PPDPFL: variants seen among roughly 807,000 people sequenced by gnomAD.
PPDPFL encodes pancreatic progenitor cell differentiation and proliferation factor-like protein.
A neutral mutation model predicts 12.6 loss-of-function variants in PPDPFL; 12 were observed. The ratio of observed to expected loss-of-function variants is 0.95; its 90% CI spans 0.61 to 1.54. The LOEUF (loss-of-function observed/expected upper bound fraction) is 1.54. Among genes scored for constraint, PPDPFL ranks in the 40% most tolerant of loss-of-function variants. The pLI is 0.00. For missense variants in PPDPFL, 114 were observed against 96.0 expected (o/e 1.19, Z -0.78); for synonymous variants, 24 against 32.7 (o/e 0.73, Z 0.91).
chr8:49,074,363 G>C (rs759416628), intron 4 of PPDPFL, 30 bp downstream of exon 4: 1 of 1,602,464 alleles, frequency 6.2e-7, no homozygotes, highest in Non-Finnish European at 8.5e-7. Flanking sequence ...GGTAAGGGCA[G>C]TTCTTACTTA....
chr8:49,072,559 T>G (rs980942757), intron 1 of PPDPFL, 77 bp downstream of exon 1: 15 of 286,084 alleles, frequency 5.2e-5, no homozygotes, highest in African/African-American at 3.4e-4. Flanking sequence ...GTTCTGTGCA[T>G]TGTGTATAGT....
chr8:49,054,705 C>A (rs962229978), intron 1 of PPDPFL, among the ~76,000 whole-genome samples: 1 of 142,226 alleles, frequency 7.0e-6, no homozygotes, highest in Non-Finnish European at 1.6e-5. Context: ...TTTCTTTCTT[C>A]TTGATCACAG....
chr8:49,075,568 A>G lies in PPDPFL; in HGVS notation c.*395A>G, dbSNP rs2129247079. The G allele has an allele frequency of 5.8e-6, 2 of 344,944 alleles. No homozygotes were observed. The highest frequency in any genetic ancestry group is 2.1e-5 in the African/African-American group (1 of 48,048). 21.4% of individuals were successfully genotyped at this position (344,944 alleles called of 1,614,324 possible). On this transcript the variant is annotated 3_prime_UTR_variant, in exon 5 of 5. Coordinates refer to ENST00000522267, the MANE Select transcript of PPDPFL (RefSeq NM_001256597.2). Reference sequence around the variant, plus strand: ...ATAAAGTAGCTCTTTCATTTTTTATATCATTTTTATTAAAAAAACTTAAGT... The same window carrying G: ...ATAAAGTAGCTCTTTCATTTTTTATGTCATTTTTATTAAAAAAACTTAAGT...
intron 1 of PPDPFL, 114 bp downstream of exon 1, chr8:49,072,596 T>TA: frequency 2.5e-6 from 1 of 393,502 alleles, no homozygotes. Context: ...CTTTTTCACC[T>TA]AAATGTACTA....
At chr8:49,074,939 T>C in intron 4 of PPDPFL, 3 of 1,379,494 alleles carry the variant, frequency 2.2e-6, no homozygotes, top group Non-Finnish European at 2.9e-6. Flanking sequence ...TGTTGAAATA[T>C]AGTGATTCTG....
rs1291055682 is a variant in PPDPFL, at chr8:49,076,085, A to G, written c.*912A>G. On this transcript the variant is annotated 3_prime_UTR_variant, in exon 5 of 5. Transcript: ENST00000522267. ...ATTAGAAAATAATAAATGTTAATAT[A>G]AAAAAGCACTGAAATTTTCTGCATA... 3 of 152,202 alleles carry G rather than the reference A, an allele frequency of 2.0e-5. No homozygotes were observed. The highest frequency in any genetic ancestry group is 6.5e-5 in the Admixed American group (1 of 15,272). The allele number at this position is 152,202 out of a possible 1,614,324, so 9.4% of individuals were successfully genotyped here.
chr8:49,075,360 C>T lies in PPDPFL; in HGVS notation c.*187C>T. The T allele has an allele frequency of 8.5e-7, 1 of 1,178,540 alleles. No homozygotes were observed. Among genetic ancestry groups the T allele is most frequent in the Non-Finnish European group, 1.3e-6 (1 of 788,274 alleles). The allele number at this position is 1,178,540 out of a possible 1,614,324, so 73.0% of individuals were successfully genotyped here. ...CCATTGTAAGAAGACAGAAATGTGT[C>T]TGAGATCTCATTTATGAGACAAGAT... On this transcript the variant is annotated 3_prime_UTR_variant, in exon 5 of 5. Transcript: ENST00000522267.
At chr8:49,058,000 AG>A (rs1808138599) in intron 1 of PPDPFL, among the ~76,000 whole-genome samples, 1 of 152,216 alleles carries the variant, frequency 6.6e-6, no homozygotes, top group Non-Finnish European at 1.5e-5. Flanking sequence ...ATAAAGGCAT[AG>A]GGGAGACAAA....
intron 1 of PPDPFL, among the ~76,000 whole-genome samples, chr8:49,059,899 T>A (rs928974741): frequency 6.6e-6 from 1 of 152,228 alleles, no homozygotes; most frequent in Non-Finnish European, 1.5e-5. Flanking sequence ...TTTTCTTTCA[T>A]GTGATGAAAC....
intron 4 of PPDPFL, chr8:49,074,794 T>G: frequency 2.1e-6 from 3 of 1,430,940 alleles, no homozygotes; most frequent in Non-Finnish European, 2.7e-6. Flanking sequence ...TCAGACATTT[T>G]GAACTCAAAC....
At chr8:49,067,084 A>T (rs573544135) in intron 1 of PPDPFL, among the ~76,000 whole-genome samples, 1 of 152,250 alleles carries the variant, frequency 6.6e-6, no homozygotes, top group African/African-American at 2.4e-5. Flanking sequence ...TGGATAGACT[A>T]CAGACAATTC....
In PPDPFL at chr8:49,074,468, C is replaced by G. The variant is rs140271227; in HGVS notation, c.233+135C>G. On this transcript the variant is annotated intron_variant, in intron 4 of 4. Transcript: ENST00000522267. ...AGTGAGCCTTGCCTATGAAGCGCAC[C>G]TGAGGGATGAGGGTGGCACTAACAG... 3.2e-4 allele frequency: 497 copies of G among 1,542,044 alleles called. 6 individuals carry two copies. The East Asian group carries it at 0.012, about 37-fold the overall frequency.
chr8:49,075,600 C>CT lies in PPDPFL; in HGVS notation c.*432dup. ...TTATTAAAAAAACTTAAGTTAGACT[C>CT]TTTTTCTGTCTGTTGAGTGATTTAT... is the stretch of plus-strand genomic sequence containing the variant. On this transcript the variant is annotated 3_prime_UTR_variant, in exon 5 of 5. Transcript: ENST00000522267. 3.5e-6 allele frequency: 1 copy of CT among 282,564 alleles called. No individual in the cohort carries two copies. The highest frequency in any genetic ancestry group is 7.3e-5 in the East Asian group (1 of 13,678). 17.5% of individuals were successfully genotyped at this position (282,564 alleles called of 1,614,324 possible). A position where few individuals can be genotyped will look rare whatever the true frequency, so the allele number is the denominator to read the frequency against.
rs765750676 is a variant in PPDPFL, at chr8:49,072,846, T to C, written c.16T>C (p.Ser6Pro). 2.6e-5 allele frequency: 41 copies of C among 1,606,730 alleles called. No homozygotes were observed. Among genetic ancestry groups the C allele is most frequent in the African/African-American group, 8.1e-5 (6 of 74,498 alleles). Residue 6 changes from serine to proline, a missense_variant, in exon 2 of 5, where the codon TCC (serine) becomes CCC (proline). Coordinates refer to ENST00000522267, the MANE Select transcript of PPDPFL (RefSeq NM_001256597.2). ...GGGTAAAGCCATGGCATCCGTACCT[T>C]CCATTGGTTGCCTTCTAGCCAGAAA... MASVP[S>P]IGCLLARNQY...
rs191291344 is a variant in PPDPFL, at chr8:49,073,078, C to G, written c.55+193C>G. On this transcript the variant is annotated intron_variant, in intron 2 of 4. Transcript: ENST00000522267. ...CAGGCACTTCTTTGTTCTAGCTACG[C>G]TGTATCGTTGAAGCCATTGACACTT... Among the ~76,000 whole-genome samples the G allele has an allele frequency of 2.0e-5, 3 of 152,344 alleles. 1 individual carries two copies. In the East Asian group the frequency reaches 5.8e-4, roughly 29 times the overall value.
intron 1 of PPDPFL, among the ~76,000 whole-genome samples, chr8:49,066,534 A>G (rs956984941): frequency 2.0e-5 from 3 of 152,184 alleles, no homozygotes; most frequent in Admixed American, 1.3e-4. Flanking sequence ...ATATGGGTTG[A>G]AAAACAGGAT....
At chr8:49,054,810 A>G (rs1808087884) in intron 1 of PPDPFL, among the ~76,000 whole-genome samples, 1 of 152,316 alleles carries the variant, frequency 6.6e-6, no homozygotes, top group Non-Finnish European at 1.5e-5. Flanking sequence ...AGGAAATTTG[A>G]AACAGCATTA....
rs117675022 is a variant in PPDPFL, at chr8:49,055,002, A to C, written c.-45+633A>C. On this transcript the variant is annotated intron_variant, in intron 1 of 4. Transcript: ENST00000517663. Reference sequence around the variant, plus strand: ...TGAGGCCAGTCTCCAGTCGCTGTTGAGCTCCATGATGCTTCAGAAACCTCA... The same window carrying C: ...TGAGGCCAGTCTCCAGTCGCTGTTGCGCTCCATGATGCTTCAGAAACCTCA... Among the ~76,000 whole-genome samples the C allele has an allele frequency of 4.4e-3, 670 of 152,210 alleles. 2 individuals carry two copies. The highest frequency in any genetic ancestry group is 7.8e-3 in the Admixed American group (119 of 15,280).
intron 1 of PPDPFL, among the ~76,000 whole-genome samples, chr8:49,055,866 A>T (rs1439025851): frequency 6.6e-6 from 1 of 152,050 alleles, no homozygotes. Context: ...TTTCCTCCCA[A>T]TGCTAAAAAT....
Sources: gnomAD v4.1 joint callset for allele counts (sites outside exome capture counted in the v4.1 genomes callset) on GRCh38, gnomAD v4.1.1 for gene constraint, MANE v1.5 for transcripts, NCBI Gene and HGNC (gene_info 2026-07-23, HGNC 2026-07-21) for gene names.